TSPAN9: variants seen among roughly 807,000 people sequenced by gnomAD.
The protein encoded by TSPAN9 is tetraspanin-9.
A neutral mutation model predicts 31.0 loss-of-function variants in TSPAN9; 16 were observed. That is an observed-to-expected ratio of 0.52 (90% CI 0.35 to 0.78). The LOEUF (loss-of-function observed/expected upper bound fraction) is 0.78. Ranked by LOEUF, TSPAN9 falls within the 30% of genes least tolerant of loss-of-function variation. The pLI, the probability that TSPAN9 is intolerant of heterozygous loss-of-function variation, is 0.01. For synonymous variants in TSPAN9, 145 were observed against 121.6 expected (o/e 1.19, Z -1.27); for missense variants, 272 against 312.5 (o/e 0.87, Z 0.98).
At chr12:3,221,442 T>C (rs1057478800) in intron 3 of TSPAN9, among the ~76,000 whole-genome samples, 8 of 150,890 alleles carry the variant, frequency 5.3e-5, no homozygotes, top group African/African-American at 1.9e-4. Flanking sequence ...TATTGCAATC[T>C]CTGCCCCCCA....
At chr12:3,177,353 G>A (rs1267282097) in intron 2 of TSPAN9, among the ~76,000 whole-genome samples, 1 of 151,310 alleles carries the variant, frequency 6.6e-6, no homozygotes, top group Non-Finnish European at 1.5e-5. Flanking sequence ...TAGCCAGGCT[G>A]GTCTCGATCT....
At chr12:3,274,386 C>G (rs1024110411) in intron 3 of TSPAN9, among the ~76,000 whole-genome samples, 6 of 142,564 alleles carry the variant, frequency 4.2e-5, no homozygotes, top group Non-Finnish European at 7.7e-5. Context: ...ATCTTAAGGT[C>G]ACACTAGGGA....
At chr12:3,259,480 C>T (rs1565635611) in intron 3 of TSPAN9, among the ~76,000 whole-genome samples, 1 of 152,328 alleles carries the variant, frequency 6.6e-6, no homozygotes, top group African/African-American at 2.4e-5. Context: ...AGTGCATCAC[C>T]GTAGGGGTGC....
At chr12:3,152,702 C>T (rs1424284466) in intron 2 of TSPAN9, among the ~76,000 whole-genome samples, 2 of 152,156 alleles carry the variant, frequency 1.3e-5, no homozygotes. Flanking sequence ...TCTCCCTGCC[C>T]CCGCCTCTCA....
intron 2 of TSPAN9, among the ~76,000 whole-genome samples, chr12:3,130,477 C>G (rs7309470): frequency 0.51 from 76,981 of 152,012 alleles, 21,841 homozygotes; most frequent in Admixed American, 0.61. Flanking sequence ...CCAGGTGTGA[C>G]GGACAGCAGA....
intron 3 of TSPAN9, among the ~76,000 whole-genome samples, chr12:3,243,890 C>A (rs893077434): frequency 6.6e-6 from 1 of 152,206 alleles, no homozygotes; most frequent in East Asian, 1.9e-4. Context: ...ATTGTACTAC[C>A]CCCTGCAGTC....
At chr12:3,105,120 A>C (rs941926544) in intron 2 of TSPAN9, among the ~76,000 whole-genome samples, 1 of 152,224 alleles carries the variant, frequency 6.6e-6, no homozygotes, top group Non-Finnish European at 1.5e-5. Context: ...TGCGCACAGC[A>C]GCCTCTCTGG....
intron 3 of TSPAN9, among the ~76,000 whole-genome samples, chr12:3,262,325 G>A (rs1862463793): frequency 6.6e-6 from 1 of 150,880 alleles, no homozygotes; most frequent in Admixed American, 6.6e-5. Context: ...CAAAGTGCAG[G>A]CATCTGCATT....
At chr12:3,177,546 C>T (rs2098356467) in intron 2 of TSPAN9, among the ~76,000 whole-genome samples, 1 of 152,222 alleles carries the variant, frequency 6.6e-6, no homozygotes, top group Non-Finnish European at 1.5e-5. Context: ...GATTCTCCTG[C>T]CTCAGCCTCC....
chr12:3,098,093 C>T (rs779458684), intron 2 of TSPAN9, among the ~76,000 whole-genome samples: 51 of 152,280 alleles, frequency 3.3e-4, no homozygotes, highest in Admixed American at 7.8e-4. Context: ...ACAGGCAGAG[C>T]GGGTCAGTGG....
intron 3 of TSPAN9, among the ~76,000 whole-genome samples, chr12:3,225,891 G>A (rs1201440658): frequency 6.6e-6 from 1 of 152,150 alleles, no homozygotes; most frequent in Non-Finnish European, 1.5e-5. Flanking sequence ...ATGCCAGAAG[G>A]ACCCAGAGGG....
chr12:3,177,147 T>A (rs747465001), intron 2 of TSPAN9, among the ~76,000 whole-genome samples: 1 of 152,166 alleles, frequency 6.6e-6, no homozygotes, highest in Middle Eastern at 3.2e-3. Context: ...CTTAAAAAAA[T>A]GTTTTTTTGA....
chr12:3,162,213 G>A (rs12422972), intron 2 of TSPAN9, among the ~76,000 whole-genome samples: 3,048 of 152,124 alleles, frequency 0.02, 219 homozygotes, highest in Admixed American at 0.14. Flanking sequence ...ATGCCGACTC[G>A]CTTCTGCCTT....
rs75156608 is a variant in TSPAN9 at position 3,153,016 on chromosome 12, C to T, written c.-17-48161C>T. 3.7e-3 allele frequency among the ~76,000 whole-genome samples: 561 copies of T among 152,338 alleles called. 6 individuals are homozygous for T. Among genetic ancestry groups the T allele is most frequent in the African/African-American group, 0.013 (535 of 41,576 alleles). ...CCCAGGACGGCATCTGTGCTCAGTGCGAACGCTGAGCTTCCTTTTATGGTG... is the reference window on the plus strand; with the variant it reads ...CCCAGGACGGCATCTGTGCTCAGTGTGAACGCTGAGCTTCCTTTTATGGTG... On this transcript the variant is annotated intron_variant, in intron 2 of 8. Coordinates refer to ENST00000011898, the MANE Select transcript of TSPAN9 (RefSeq NM_006675.5).
chr12:3,087,873 C>T (rs567841273), intron 2 of TSPAN9, among the ~76,000 whole-genome samples: 1 of 152,196 alleles, frequency 6.6e-6, no homozygotes, highest in Non-Finnish European at 1.5e-5. Flanking sequence ...AGGGTAAAAC[C>T]TGGACACGGT....
chr12:3,081,834 G>GTATATATATATATATATA (rs1477420908), intron 1 of TSPAN9, among the ~76,000 whole-genome samples: 5 of 75,760 alleles, frequency 6.6e-5, no homozygotes, highest in African/African-American at 3.5e-4. Context: ...GTGTGTGTGT[G>GTATATATATATATATATA]TCTGTGTGTG....
chr12:3,088,594 C>T (rs1185231468), intron 2 of TSPAN9, among the ~76,000 whole-genome samples: 1 of 152,220 alleles, frequency 6.6e-6, no homozygotes, highest in African/African-American at 2.4e-5. Flanking sequence ...CTGTGAAGGT[C>T]TCCTGGACGG....
At chr12:3,275,393 AGCGAGTACCTGCG>A (rs1321740074) in intron 3 of TSPAN9, among the ~76,000 whole-genome samples, 1 of 152,134 alleles carries the variant, frequency 6.6e-6, no homozygotes, top group East Asian at 1.9e-4. Flanking sequence ...GCTCCCCTGC[AGCGAGTACCTGCG>A]GCAGTGGGGT....
At chr12:3,202,870 A>G (rs186234431) in intron 3 of TSPAN9, among the ~76,000 whole-genome samples, 188 of 152,262 alleles carry the variant, frequency 1.2e-3, no homozygotes, top group African/African-American at 3.8e-3. Context: ...TCTGGTGGCA[A>G]GCACCACTGG....
Sources: allele counts gnomAD v4.1 joint callset (sites outside exome capture counted in the v4.1 genomes callset), GRCh38; gene constraint gnomAD v4.1.1; transcripts MANE v1.5; gene names NCBI Gene and HGNC (gene_info 2026-07-23, HGNC 2026-07-21).